The following ST6GALNAC1 variants were observed in gnomAD, a reference collection of about 807,000 sequenced individuals.
ST6GALNAC1 encodes the protein alpha-N-acetylgalactosaminide alpha-2,6-sialyltransferase 1.
In ST6GALNAC1, 45 loss-of-function variants were observed where a neutral mutation model predicts 56.8. The observed-to-expected ratio is 0.79, with a 90% CI of 0.62 to 1.02. The LOEUF (loss-of-function observed/expected upper bound fraction) is 1.02. Ranked by LOEUF, ST6GALNAC1 falls within the 50% of genes least tolerant of loss-of-function variation. The probability of loss-of-function intolerance (pLI) is 0.00; values close to 1 mark genes in which losing one functional copy is unlikely to be tolerated. For missense variants in ST6GALNAC1, 743 were observed against 754.8 expected (o/e 0.98, Z 0.18); for synonymous variants, 295 against 297.8 (o/e 0.99, Z 0.10).
the ST6GALNAC1 span, among the ~76,000 whole-genome samples, chr17:76,619,752 T>G: frequency 6.8e-6 from 1 of 147,608 alleles, no homozygotes; most frequent in African/African-American, 2.5e-5. Context: ...TTTTTTTTTT[T>G]TTTTTTTTTT....
At chr17:76,622,577 A>C (rs1054515402), downstream of ST6GALNAC1, among the ~76,000 whole-genome samples, 1 of 151,934 alleles carries the variant, frequency 6.6e-6, no homozygotes, top group Non-Finnish European at 1.5e-5. Flanking sequence ...GTTGGCCAGA[A>C]TGGTCTCAAT....
At chr17:76,620,053 AT>A (rs2075725682), downstream of ST6GALNAC1, among the ~76,000 whole-genome samples, 1 of 128,418 alleles carries the variant, frequency 7.8e-6, no homozygotes, top group Non-Finnish European at 1.7e-5. Flanking sequence ...CTTTTTAAAA[AT>A]TTTTTATACA....
intron 1 of ST6GALNAC1, among the ~76,000 whole-genome samples, chr17:76,633,086 G>A (rs991810680): frequency 6.6e-6 from 1 of 152,106 alleles, no homozygotes; most frequent in Non-Finnish European, 1.5e-5. Context: ...GCACGCACCT[G>A]TAATCCCAGC....
At chr17:76,622,178 CT>C (rs2143398409), downstream of ST6GALNAC1, among the ~76,000 whole-genome samples, 1 of 150,016 alleles carries the variant, frequency 6.7e-6, no homozygotes, top group Non-Finnish European at 1.5e-5. Flanking sequence ...TGGGGAGTTG[CT>C]GTTCATATAT....
Position 76,629,077 on chromosome 17 carries a change from A to G in ST6GALNAC1, c.766T>C (p.Phe256Leu). 1 of 1,576,368 alleles carries G rather than the reference A, an allele frequency of 6.3e-7. No homozygotes were observed. Among genetic ancestry groups the G allele is most frequent in the African/African-American group, 1.4e-5 (1 of 73,040 alleles). ...AAATCCCACCGAGGCTCAGATTTGA[A>G]GTTGGCGGCCTTCAGTCTTTGGTTT... ...QRNQRLKAAN[F>L]KSEPRWDFEE... Residue 256 changes from phenylalanine to leucine, a missense_variant, in exon 2 of 9, where the codon TTC becomes CTC. Coordinates refer to ENST00000156626, the MANE Select transcript of ST6GALNAC1 (RefSeq NM_018414.5).
chr17:76,637,305 ATCACACCCT>A (rs2075990608), intron 1 of ST6GALNAC1, among the ~76,000 whole-genome samples: 1 of 134,794 alleles, frequency 7.4e-6, no homozygotes, highest in Non-Finnish European at 1.6e-5. Context: ...AAAGATTCCC[ATCACACCCT>A]AAACCTAAAA....
chr17:76,642,505 C>G (rs1003832445), intron 1 of ST6GALNAC1, among the ~76,000 whole-genome samples: 1 of 152,144 alleles, frequency 6.6e-6, no homozygotes, highest in African/African-American at 2.4e-5. Flanking sequence ...CCTCAAGTGT[C>G]AAGAGTGGTC....
At chr17:76,638,859 C>T (rs1431554694) in intron 1 of ST6GALNAC1, among the ~76,000 whole-genome samples, 1 of 148,700 alleles carries the variant, frequency 6.7e-6, no homozygotes, top group Admixed American at 6.7e-5. Context: ...GGGATTTAGG[C>T]GTGAGCCACT....
In ST6GALNAC1 at chr17:76,627,428, C is replaced by T. The variant is rs768709621; in HGVS notation, c.987G>A (p.Glu329=). 1 of 1,614,172 alleles carries T rather than the reference C, an allele frequency of 6.2e-7. No individual in the cohort carries two copies. The highest frequency in any genetic ancestry group is 1.1e-5 in the South Asian group (1 of 91,076). ...EHFAPPFGFM[E]LNYSLVQKVV... is the part of the protein sequence containing the mutation. Reference sequence around the variant, plus strand: ...TTAAGGACTCACAGGAGTAGTTGAGCTCCATGAAGCCAAAGGGTGGTGCAA... The same window carrying T: ...TTAAGGACTCACAGGAGTAGTTGAGTTCCATGAAGCCAAAGGGTGGTGCAA... The change falls in exon 3 of 9, where the codon GAG becomes GAA. Residue 329 remains glutamate (E), a synonymous_variant. Transcript: ENST00000156626. This position sits in a 1 kb window ranked among gnomAD's most constrained non-coding sequence, Gnocchi z 4.4.
intron 1 of ST6GALNAC1, among the ~76,000 whole-genome samples, chr17:76,634,192 C>A (rs1158797041): frequency 6.6e-6 from 1 of 152,164 alleles, no homozygotes; most frequent in Non-Finnish European, 1.5e-5. Context: ...CACAGAATCG[C>A]CTCTACTTAC....
chr17:76,640,918 A>G (rs2076040387), intron 1 of ST6GALNAC1, among the ~76,000 whole-genome samples: 1 of 152,248 alleles, frequency 6.6e-6, no homozygotes. Context: ...ACTCAGATGT[A>G]TGTAAAAAAA....
chr17:76,640,811 G>T (rs1370984079), intron 1 of ST6GALNAC1, among the ~76,000 whole-genome samples: 1 of 152,120 alleles, frequency 6.6e-6, no homozygotes, highest in Non-Finnish European at 1.5e-5. Flanking sequence ...TATGACAAAA[G>T]ATATCACAAA....
chr17:76,625,427 A>T lies in ST6GALNAC1; in HGVS notation c.1706T>A (p.Phe569Tyr). 6.2e-7 allele frequency: 1 copy of T among 1,614,106 alleles called. No homozygotes were observed. Among genetic ancestry groups the T allele is most frequent in the Non-Finnish European group, 8.5e-7 (1 of 1,180,010 alleles). ...CTTCCAGACTTCTCTCTCCAGCTTG[A>T]AGTCATGGTTTATGTAAAAGATCAG... is the stretch of plus-strand genomic sequence containing the variant. ...KRLIFYINHD[F>Y]KLEREVWKRL... The change falls in exon 9 of 9, where the codon TTC becomes TAC. Residue 569 changes from phenylalanine (F) to tyrosine (Y), a missense_variant. By Grantham distance (22) the Phe-to-Tyr change is conservative. Transcript: ENST00000156626.
chr17:76,621,182 C>CTTTTTTTTTTTTTTTTTTTTTTTTTTTTT (rs367846650), downstream of ST6GALNAC1, among the ~76,000 whole-genome samples: 1 of 105,326 alleles, frequency 9.5e-6, no homozygotes, highest in Non-Finnish European at 1.8e-5. Flanking sequence ...TTCTTTCTTT[C>CTTTTTTTTTTTTTTTTTTTTTTTTTTTTT]TTTCTTTTTT....
intron 1 of ST6GALNAC1, among the ~76,000 whole-genome samples, chr17:76,635,914 C>T (rs2075968233): frequency 6.6e-6 from 1 of 152,136 alleles, no homozygotes; most frequent in Non-Finnish European, 1.5e-5. Context: ...GTGTGCGAGG[C>T]AGTGGTGACA....
intron 5 of ST6GALNAC1, 54 bp from the exon 6 acceptor site, chr17:76,626,446 C>A: frequency 6.3e-7 from 1 of 1,581,956 alleles, no homozygotes; most frequent in South Asian, 1.1e-5. Flanking sequence ...GGACCACCAC[C>A]GAGGGTGGCC....
chr17:76,629,011 C>T lies in ST6GALNAC1; in HGVS notation c.831+1G>A, dbSNP rs774661691. 1.3e-6 allele frequency: 2 copies of T among 1,522,512 alleles called. No homozygotes were observed. The highest frequency in any genetic ancestry group is 1.8e-6 in the Non-Finnish European group (2 of 1,136,926). 94.3% of individuals were successfully genotyped at this position (1,522,512 alleles called of 1,614,324 possible). A position where few individuals can be genotyped will look rare whatever the true frequency, so the allele number is the denominator to read the frequency against. On this transcript the variant is annotated splice_donor_variant, in intron 2 of 8. Transcript: ENST00000156626. LOFTEE classifies it high-confidence loss of function. ...GGGAAGGCGTGGTGGCAAAAACTCA[C>T]CGTCTGAAGGCCTCCTATTTCGAAG...
rs8081258 is a variant in ST6GALNAC1, at chr17:76,629,633, T to C, written c.210A>G (p.Ala70=). The C allele has an allele frequency of 0.091, 146,376 of 1,613,994 alleles. 7,346 individuals carry two copies. Among genetic ancestry groups the C allele is most frequent in the Middle Eastern group, 0.13 (773 of 6,062 alleles). Residue 70 remains alanine (A), a synonymous_variant, in exon 2 of 9, where the codon GCA becomes GCG. Transcript: ENST00000156626. ...AKPKSQAPTR[A]RRTTIYAEPV... Reference sequence around the variant, plus strand: ...GCTCTGCATAGATGGTTGTCCTCCTTGCCCTTGTGGGTGCCTGGGACTTAG... The same window carrying C: ...GCTCTGCATAGATGGTTGTCCTCCTCGCCCTTGTGGGTGCCTGGGACTTAG...
In ST6GALNAC1 at chr17:76,629,355, G is replaced by T; in HGVS notation, c.488C>A (p.Thr163Lys). 1 of 1,614,156 alleles carries T rather than the reference G, an allele frequency of 6.2e-7. No individual in the cohort carries two copies. The highest frequency in any genetic ancestry group is 8.5e-7 in the Non-Finnish European group (1 of 1,180,014). The change falls in exon 2 of 9, where the codon ACG (threonine) becomes AAG (lysine). Residue 163 changes from threonine (T) to lysine (K), a missense_variant. Coordinates refer to ENST00000156626, the MANE Select transcript of ST6GALNAC1 (RefSeq NM_018414.5). Reference protein sequence around the residue: ...AQSWKSQDTKTTQGNGGQTRK... With the variant: ...AQSWKSQDTKKTQGNGGQTRK... ...GGTCTGGCCCCCATTTCCTTGGGTC[G>T]TCTTTGTGTCCTGGCTCTTCCATGA...
Sources: allele counts gnomAD v4.1 joint callset (sites outside exome capture counted in the v4.1 genomes callset), GRCh38; gene constraint gnomAD v4.1.1; non-coding constraint Gnocchi (gnomAD v3.1); transcripts MANE v1.5; gene names NCBI Gene and HGNC (gene_info 2026-07-23, HGNC 2026-07-21).